Variants in DGAT2 observed in about 807,000 individuals in gnomAD.
DGAT2 encodes acyl-CoA retinol O-fatty-acyltransferase.
Under a neutral mutation model 48.4 loss-of-function variants are expected in DGAT2, and 33 were observed. The observed-to-expected ratio is 0.68, with a 90% CI of 0.52 to 0.91. DGAT2 has a LOEUF of 0.91. Ranked by LOEUF, DGAT2 falls within the 40% of genes least tolerant of loss-of-function variation. The probability of loss-of-function intolerance (pLI) is 0.00; values close to 1 mark genes in which losing one functional copy is unlikely to be tolerated. For synonymous variants in DGAT2, 191 were observed against 194.1 expected (o/e 0.98, Z 0.13); for missense variants, 446 against 493.7 (o/e 0.90, Z 0.92).
At chr11:75,769,633 G>A (rs576664280) in intron 1 of DGAT2, among the ~76,000 whole-genome samples, 2 of 152,286 alleles carry the variant, frequency 1.3e-5, no homozygotes, top group Admixed American at 6.5e-5. Context: ...TGTCCTCCAA[G>A]GTAGAACTGA....
chr11:75,790,162 C>A (rs10899123), intron 2 of DGAT2, 26 bp from the exon 3 acceptor site: 8 of 1,552,172 alleles, frequency 5.2e-6, no homozygotes, highest in African/African-American at 2.7e-5. Flanking sequence ...CCAGTAGGAC[C>A]TGACCTGTGG....
intron 4 of DGAT2, among the ~76,000 whole-genome samples, chr11:75,791,104 G>A (rs1428238470): frequency 6.6e-6 from 1 of 152,236 alleles, no homozygotes; most frequent in African/African-American, 2.4e-5. Context: ...GGAAAGACCT[G>A]TCTGGCCAGC....
chr11:75,797,044 G>GGC, intron 5 of DGAT2, 114 bp from the exon 6 acceptor site: 1 of 1,081,512 alleles, frequency 9.2e-7, no homozygotes, highest in Non-Finnish European at 1.3e-6. Flanking sequence ...AAGGGGCTGG[G>GGC]CTAGGTCTGG....
At chr11:75,773,386 C>G (rs952547323) in intron 1 of DGAT2, among the ~76,000 whole-genome samples, 5 of 152,210 alleles carry the variant, frequency 3.3e-5, no homozygotes, top group Non-Finnish European at 7.3e-5. Flanking sequence ...TTATTAGAAG[C>G]CCGAGAGCTG....
chr11:75,771,403 A>G (rs1453314670), intron 1 of DGAT2, among the ~76,000 whole-genome samples: 1 of 152,024 alleles, frequency 6.6e-6, no homozygotes, highest in Admixed American at 6.6e-5. Flanking sequence ...TCAGCACAGG[A>G]CCTAGCATGA....
chr11:75,776,611 G>A (rs1384536936), intron 1 of DGAT2: 1 of 152,220 alleles, frequency 6.6e-6, no homozygotes, highest in East Asian at 1.9e-4. Context: ...CCTCCTTCCT[G>A]GAGGGAACGA....
At chr11:75,772,717 A>G (rs1944770245) in intron 1 of DGAT2, among the ~76,000 whole-genome samples, 1 of 152,230 alleles carries the variant, frequency 6.6e-6, no homozygotes, top group East Asian at 1.9e-4. Context: ...GCCGCGTGCC[A>G]TGGCTTTCGC....
At chr11:75,794,282 GC>G (rs1438981282) in intron 4 of DGAT2, 1 of 152,194 alleles carries the variant, frequency 6.6e-6, no homozygotes, top group Non-Finnish European at 1.5e-5. Flanking sequence ...CTTCAGCTCT[GC>G]CAGGAGGCTC....
At chr11:75,798,861 A>G (rs1945084272) in intron 7 of DGAT2, among the ~76,000 whole-genome samples, 1 of 152,194 alleles carries the variant, frequency 6.6e-6, no homozygotes. Context: ...ATCAGAAACA[A>G]TAGCCTACGT....
Position 75,784,730 on chromosome 11 carries a change from G to C in DGAT2, c.234G>C (p.Leu78=), listed in dbSNP as rs756719566. ...LQVISVLQWV[L]SFLVLGVACS... is the part of the protein sequence containing the mutation. ...TCATCTCAGTGCTCCAGTGGGTCCTGTCCTTCCTTGTACTGGGTAAGCTGG... is the reference window on the plus strand; with the variant it reads ...TCATCTCAGTGCTCCAGTGGGTCCTCTCCTTCCTTGTACTGGGTAAGCTGG... Residue 78 remains leucine, a synonymous_variant, in exon 2 of 8, where the codon CTG becomes CTC. Transcript: ENST00000228027. 1.2e-6 allele frequency: 2 copies of C among 1,614,068 alleles called. No homozygotes were observed. The highest frequency in any genetic ancestry group is 1.7e-4 in the Middle Eastern group (1 of 6,060).
At chr11:75,775,578 T>C (rs1333489023) in intron 1 of DGAT2, among the ~76,000 whole-genome samples, 2 of 152,216 alleles carry the variant, frequency 1.3e-5, no homozygotes, top group Non-Finnish European at 2.9e-5. Flanking sequence ...GAGCTCTGAC[T>C]GGCTGTCTTC....
chr11:75,800,306 C>T, intron 7 of DGAT2, 48 bp from the exon 8 acceptor site: 2 of 1,588,940 alleles, frequency 1.3e-6, no homozygotes, highest in South Asian at 2.3e-5. Context: ...GGTGGATGCC[C>T]AGGGGAAGGG....
chr11:75,783,693 G>A lies in DGAT2; in HGVS notation c.122-925G>A, dbSNP rs541535509. 5.1e-4 allele frequency among the ~76,000 whole-genome samples: 78 copies of A among 152,242 alleles called. 1 individual carries two copies. The highest frequency in any genetic ancestry group is 1.8e-3 in the African/African-American group (76 of 41,558). ...GAGGTGGCCCACTTCTTCAGCTGCC[G>A]GAAGGAATGGGGTATGGGTGAGGAA... is the stretch of plus-strand genomic sequence containing the variant. On this transcript the variant is annotated intron_variant, in intron 1 of 7. Coordinates refer to ENST00000228027, the MANE Select transcript of DGAT2 (RefSeq NM_032564.5).
intron 1 of DGAT2, chr11:75,776,918 G>A (rs555969326): frequency 1.3e-5 from 2 of 152,344 alleles, no homozygotes; most frequent in South Asian, 4.1e-4. Context: ...GGGTCAATAT[G>A]TACTGACCCT....
chr11:75,788,652 G>C (rs1944949017), intron 2 of DGAT2, among the ~76,000 whole-genome samples: 1 of 152,188 alleles, frequency 6.6e-6, no homozygotes, highest in Non-Finnish European at 1.5e-5. Context: ...GGCTCAACAT[G>C]GTGAGAAGAG....
intron 4 of DGAT2, chr11:75,793,511 A>G (rs1945013298): frequency 6.6e-6 from 1 of 152,182 alleles, no homozygotes; most frequent in South Asian, 2.1e-4. Context: ...GTGCAGGATA[A>G]TTTGCTGTGA....
chr11:75,789,688 G>A (rs1446671953), intron 2 of DGAT2, among the ~76,000 whole-genome samples: 2 of 152,114 alleles, frequency 1.3e-5, no homozygotes. Flanking sequence ...GGTGACCTTG[G>A]GCAAGTTATC....
Position 75,786,690 on chromosome 11 carries a change from C to A in DGAT2, c.250+1944C>A, listed in dbSNP as rs79818544. Reference sequence around the variant, plus strand: ...GACAGGCAGATCTCCTGAGCTACTGCTAATTACTGCCCTCAGCAGCCCCAG... The same window carrying A: ...GACAGGCAGATCTCCTGAGCTACTGATAATTACTGCCCTCAGCAGCCCCAG... On this transcript the variant is annotated intron_variant, in intron 2 of 7. Transcript: ENST00000228027. 5.9e-5 allele frequency among the ~76,000 whole-genome samples: 9 copies of A among 152,330 alleles called. No homozygotes were observed. The East Asian group carries it at 1.7e-3, about 29-fold the overall frequency.
At chr11:75,772,282 C>G (rs534608572) in intron 1 of DGAT2, among the ~76,000 whole-genome samples, 1 of 152,150 alleles carries the variant, frequency 6.6e-6, no homozygotes, top group Non-Finnish European at 1.5e-5. Context: ...CCAGTTGCCC[C>G]CTACCCACAC....
Sources: gnomAD v4.1 joint callset for allele counts (sites outside exome capture counted in the v4.1 genomes callset) on GRCh38, gnomAD v4.1.1 for gene constraint, MANE v1.5 for transcripts, NCBI Gene and HGNC (gene_info 2026-07-23, HGNC 2026-07-21) for gene names.